Variants in PCDH11Y observed in about 807,000 individuals in gnomAD.
The protein encoded by PCDH11Y is protocadherin 11 Y-linked, also known as protocadherin-11 Y-linked.
For synonymous variants in PCDH11Y, 9 were observed against 83.6 expected (o/e 0.11, Z 4.87); for missense variants, 12 against 224.8 (o/e 0.05, Z 6.05).
At chrY:5,279,126 C>A (rs2053048091) in intron 2 of PCDH11Y, among the ~76,000 whole-genome samples, 1 of 32,151 alleles carries the variant, frequency 3.1e-5, no homozygotes, top group Non-Finnish European at 7.6e-5. Context: ...GTGTGCCTGG[C>A]ACGGTGGCTC....
chrY:5,256,390 C>G, intron 2 of PCDH11Y, among the ~76,000 whole-genome samples: 1 of 32,734 alleles, frequency 3.1e-5, no homozygotes, highest in Non-Finnish European at 7.5e-5. Flanking sequence ...CTATTCTGTT[C>G]CACTGATCTA....
chrY:5,081,092 G>T, intron 1 of PCDH11Y, among the ~76,000 whole-genome samples: 1 of 30,166 alleles, frequency 3.3e-5, no homozygotes, highest in Admixed American at 3.1e-4. Context: ...TGGCTAGCCA[G>T]TTCTCCCAGC....
At chrY:5,356,634 T>A in intron 2 of PCDH11Y, among the ~76,000 whole-genome samples, 3 of 30,104 alleles carry the variant, frequency 1.0e-4, no homozygotes, top group African/African-American at 3.9e-4. Context: ...CCCAGCACTT[T>A]GGGAGGCCGA....
chrY:5,406,115 G>A (rs2124677547), intron 2 of PCDH11Y, among the ~76,000 whole-genome samples: 1 of 29,458 alleles, frequency 3.4e-5, no homozygotes, highest in East Asian at 8.6e-4. Flanking sequence ...TCTACCATAG[G>A]GCATTATGAA....
chrY:5,361,868 A>T (rs2053174649), intron 2 of PCDH11Y, among the ~76,000 whole-genome samples: 2 of 32,948 alleles, frequency 6.1e-5, no homozygotes, highest in Non-Finnish European at 1.5e-4. Flanking sequence ...AATAATGGAA[A>T]CATAGTCTTT....
chrY:5,656,152 C>T (rs2053535884), intron 4 of PCDH11Y, among the ~76,000 whole-genome samples: 1 of 32,316 alleles, frequency 3.1e-5, no homozygotes, highest in Non-Finnish European at 7.5e-5. Context: ...TTTTGATTTG[C>T]CTTTCTCTTA....
chrY:5,039,305 G>C, intron 3 of PCDH11Y, among the ~76,000 whole-genome samples: 2 of 32,911 alleles, frequency 6.1e-5, no homozygotes, highest in African/African-American at 1.2e-4. Flanking sequence ...TCATCATGAA[G>C]AGCAATGGTC....
At chrY:5,035,070 T>C (rs2052597045) in intron 3 of PCDH11Y, among the ~76,000 whole-genome samples, 1 of 31,108 alleles carries the variant, frequency 3.2e-5, no homozygotes, top group Non-Finnish European at 7.8e-5. Flanking sequence ...AACATAGTTT[T>C]TTTGCTTTCA....
intron 2 of PCDH11Y, chrY:5,338,715 C>A: frequency 6.2e-6 from 2 of 324,939 alleles, no homozygotes; most frequent in Middle Eastern, 8.8e-4. Flanking sequence ...GCAAATGTGG[C>A]CATTTTCCCA....
chrY:5,286,125 G>A, intron 2 of PCDH11Y, among the ~76,000 whole-genome samples: 1 of 33,167 alleles, frequency 3.0e-5, no homozygotes, highest in Non-Finnish European at 7.5e-5. Flanking sequence ...TTATTGAATA[G>A]GGAGTCCTTT....
chrY:5,036,634 A>G, intron 3 of PCDH11Y, among the ~76,000 whole-genome samples: 1 of 33,859 alleles, frequency 3.0e-5, no homozygotes, highest in Non-Finnish European at 7.4e-5. Context: ...TCTTTAAAAA[A>G]TTTAAATTTT....
At chrY:5,369,349 C>A (rs2053185080) in intron 2 of PCDH11Y, among the ~76,000 whole-genome samples, 1 of 33,117 alleles carries the variant, frequency 3.0e-5, no homozygotes, top group African/African-American at 1.2e-4. Context: ...ATAGTGAATA[C>A]GTCTTATGAG....
chrY:5,578,121 A>G, intron 3 of PCDH11Y, among the ~76,000 whole-genome samples: 1 of 32,983 alleles, frequency 3.0e-5, no homozygotes, highest in South Asian at 6.7e-4. Context: ...CACAATTTGA[A>G]TAGAAAATTT....
chrY:5,677,921 C>T, intron 4 of PCDH11Y, among the ~76,000 whole-genome samples: 1 of 32,414 alleles, frequency 3.1e-5, no homozygotes, highest in Admixed American at 2.8e-4. Flanking sequence ...TCTATCAAAA[C>T]ATTTTTCTTC....
At chrY:5,112,072 C>T in intron 2 of PCDH11Y, among the ~76,000 whole-genome samples, 1 of 33,535 alleles carries the variant, frequency 3.0e-5, no homozygotes, top group Non-Finnish European at 7.4e-5. Flanking sequence ...TTTGCATCTA[C>T]ATTTACAATG....
At chrY:5,684,119 G>T (rs2124709864) in intron 4 of PCDH11Y, among the ~76,000 whole-genome samples, 1 of 33,037 alleles carries the variant, frequency 3.0e-5, no homozygotes, top group South Asian at 6.6e-4. Flanking sequence ...TCTATACAAA[G>T]AAAATCTTAT....
Position 5,515,170 on chromosome Y carries a change from C to A in PCDH11Y, c.3328+13915C>A, listed in dbSNP as rs1602936743. 1.8e-4 allele frequency among the ~76,000 whole-genome samples: 6 copies of A among 33,629 alleles called. No homozygotes were observed. In the South Asian group the frequency reaches 3.9e-3, roughly 22 times the overall value. The allele number at this position is 33,629 out of a possible 37,273, so 90.2% of individuals were successfully genotyped here. A position where few individuals can be genotyped will look rare whatever the true frequency, so the allele number is the denominator to read the frequency against. On this transcript the variant is annotated intron_variant, in intron 3 of 4. Coordinates refer to the PCDH11Y transcript ENST00000400457. ...TTTTGTCCTTGGATCTACGTTTTTACTTTAAGCAAATGTAAAAATGGCTGT... is the reference window on the plus strand; with the variant it reads ...TTTTGTCCTTGGATCTACGTTTTTAATTTAAGCAAATGTAAAAATGGCTGT...
chrY:5,681,108 A>G, intron 4 of PCDH11Y, among the ~76,000 whole-genome samples: 1 of 33,363 alleles, frequency 3.0e-5, no homozygotes, highest in African/African-American at 1.2e-4. Flanking sequence ...AAGAGAAAAG[A>G]AAAAACTAAC....
At chrY:5,022,759 T>C in intron 1 of PCDH11Y, among the ~76,000 whole-genome samples, 1 of 33,495 alleles carries the variant, frequency 3.0e-5, no homozygotes, top group Non-Finnish European at 7.4e-5. Flanking sequence ...ATTCATTTTC[T>C]GCCTTTGTTA....
Sources: gnomAD v4.1 joint callset for allele counts (sites outside exome capture counted in the v4.1 genomes callset) on GRCh38, gnomAD v4.1.1 for gene constraint, MANE v1.5 for transcripts, NCBI Gene and HGNC (gene_info 2026-07-23, HGNC 2026-07-21) for gene names.